ST6GALNAC3: variants seen among roughly 807,000 people sequenced by gnomAD.
ST6GALNAC3 encodes the protein alpha-N-acetylgalactosaminide alpha-2,6-sialyltransferase 3.
In ST6GALNAC3, 25 loss-of-function variants were observed where a neutral mutation model predicts 32.7. The observed-to-expected ratio is 0.76, with a 90% confidence interval of 0.56 to 1.07. ST6GALNAC3 has a LOEUF of 1.07. Among genes scored for constraint, ST6GALNAC3 ranks in the 50% least tolerant of loss-of-function variants. The probability of loss-of-function intolerance (pLI) is 0.00; values close to 1 mark genes in which losing one functional copy is unlikely to be tolerated. For missense variants in ST6GALNAC3, 355 were observed against 382.4 expected (o/e 0.93, Z 0.60); for synonymous variants, 129 against 133.1 (o/e 0.97, Z 0.21).
chr1:76,566,481 T>C (rs995895792), intron 3 of ST6GALNAC3, among the ~76,000 whole-genome samples: 19 of 152,088 alleles, frequency 1.2e-4, no homozygotes, highest in African/African-American at 4.3e-4. Context: ...ACCTCCAGCA[T>C]CTTCACTGTC....
intron 3 of ST6GALNAC3, among the ~76,000 whole-genome samples, chr1:76,426,223 T>C (rs1655373662): frequency 6.6e-6 from 1 of 151,962 alleles, no homozygotes; most frequent in African/African-American, 2.4e-5. Context: ...TTTGCTATTT[T>C]CTGTCTTCCC....
chr1:76,565,906 A>G (rs902970212), intron 3 of ST6GALNAC3, among the ~76,000 whole-genome samples: 1 of 152,234 alleles, frequency 6.6e-6, no homozygotes, highest in Non-Finnish European at 1.5e-5. Context: ...TATCTCTATC[A>G]TAAGATTAGT....
chr1:76,328,362 A>T (rs1332885727), intron 2 of ST6GALNAC3, among the ~76,000 whole-genome samples: 1 of 152,126 alleles, frequency 6.6e-6, no homozygotes, highest in Non-Finnish European at 1.5e-5. Context: ...CGTTAAACTG[A>T]TTATCTCGCT....
intron 1 of ST6GALNAC3, among the ~76,000 whole-genome samples, chr1:76,209,502 A>T (rs889903109): frequency 3.3e-5 from 5 of 152,160 alleles, no homozygotes; most frequent in Non-Finnish European, 1.5e-5. Context: ...TTCCTAATAC[A>T]CACAAAGGTA....
At chr1:76,392,476 A>C (rs1279260214) in intron 2 of ST6GALNAC3, among the ~76,000 whole-genome samples, 3 of 152,240 alleles carry the variant, frequency 2.0e-5, no homozygotes, top group Non-Finnish European at 4.4e-5. Flanking sequence ...TCAGATGAAA[A>C]GTGCTATTTT....
chr1:76,576,894 A>T (rs757335313), intron 3 of ST6GALNAC3: 1 of 1,304,610 alleles, frequency 7.7e-7, no homozygotes, highest in Non-Finnish European at 1.0e-6. Flanking sequence ...ACCACCACAT[A>T]CATGTCCTGC....
intron 3 of ST6GALNAC3, among the ~76,000 whole-genome samples, chr1:76,478,122 C>G (rs1204822860): frequency 6.6e-6 from 1 of 152,148 alleles, no homozygotes; most frequent in African/African-American, 2.4e-5. Context: ...TCCTCCAGGT[C>G]TCATGAACAT....
intron 2 of ST6GALNAC3, among the ~76,000 whole-genome samples, chr1:76,352,720 G>A (rs1015336585): frequency 2.4e-4 from 36 of 151,938 alleles, no homozygotes; most frequent in African/African-American, 7.5e-4. Context: ...CCATGTGGAT[G>A]TATAATAATT....
At chr1:76,524,239 A>G (rs1421389989) in intron 3 of ST6GALNAC3, among the ~76,000 whole-genome samples, 2 of 152,174 alleles carry the variant, frequency 1.3e-5, no homozygotes, top group Non-Finnish European at 1.5e-5. Context: ...TAGTCTTACC[A>G]TGGCTTTTAC....
At chr1:76,320,417 G>A (rs1454395237) in intron 2 of ST6GALNAC3, among the ~76,000 whole-genome samples, 1 of 151,972 alleles carries the variant, frequency 6.6e-6, no homozygotes, top group African/African-American at 2.4e-5. Flanking sequence ...ATCTAGTCTT[G>A]TAGTGCTCTT....
intron 1 of ST6GALNAC3, among the ~76,000 whole-genome samples, chr1:76,110,704 T>A (rs1450030665): frequency 6.6e-6 from 1 of 152,240 alleles, no homozygotes; most frequent in Admixed American, 6.5e-5. Flanking sequence ...ACAACAAGGC[T>A]GCCTCCTCAT....
chr1:76,342,351 C>G (rs1350000037), intron 2 of ST6GALNAC3, among the ~76,000 whole-genome samples: 2 of 152,156 alleles, frequency 1.3e-5, no homozygotes, highest in Admixed American at 6.5e-5. Context: ...TCGTATTTCT[C>G]CACATCCTCT....
chr1:76,325,953 A>T (rs147267311), intron 2 of ST6GALNAC3, among the ~76,000 whole-genome samples: 2 of 151,998 alleles, frequency 1.3e-5, no homozygotes, highest in Non-Finnish European at 2.9e-5. Flanking sequence ...TCACCTCTGT[A>T]TGAATTTCAG....
At chr1:76,560,640 C>A (rs1254882160) in intron 3 of ST6GALNAC3, among the ~76,000 whole-genome samples, 1 of 152,208 alleles carries the variant, frequency 6.6e-6, no homozygotes, top group Non-Finnish European at 1.5e-5. Context: ...GAGATATCAT[C>A]TCACCCCACT....
At chr1:76,278,250 T>C (rs1659290936) in intron 1 of ST6GALNAC3, among the ~76,000 whole-genome samples, 1 of 107,874 alleles carries the variant, frequency 9.3e-6, no homozygotes, top group Non-Finnish European at 1.6e-5. Context: ...AGATGGAGTC[T>C]CGCTCTGTCA....
chr1:76,228,173 C>G (rs1656179598), intron 1 of ST6GALNAC3, among the ~76,000 whole-genome samples: 1 of 152,160 alleles, frequency 6.6e-6, no homozygotes, highest in Admixed American at 6.6e-5. Context: ...GACCATTACA[C>G]AGAAGTTTGC....
At chr1:76,278,041 T>C (rs1659270404) in intron 1 of ST6GALNAC3, among the ~76,000 whole-genome samples, 1 of 152,130 alleles carries the variant, frequency 6.6e-6, no homozygotes, top group African/African-American at 2.4e-5. Context: ...TTTTTAATAT[T>C]TTTATGAAAT....
At chr1:76,208,665 A>G (rs1654969196) in intron 1 of ST6GALNAC3, among the ~76,000 whole-genome samples, 1 of 152,150 alleles carries the variant, frequency 6.6e-6, no homozygotes, top group African/African-American at 2.4e-5. Context: ...GGGTCTGGAA[A>G]GGTGGGGCGA....
chr1:76,434,156 G>A (rs114219882), intron 3 of ST6GALNAC3, among the ~76,000 whole-genome samples: 48 of 152,286 alleles, frequency 3.2e-4, no homozygotes, highest in African/African-American at 1.0e-3. Context: ...TCCAAGTGGT[G>A]TAATCGTAAA....
Sources: gnomAD v4.1 joint callset for allele counts (sites outside exome capture counted in the v4.1 genomes callset) on GRCh38, gnomAD v4.1.1 for gene constraint, MANE v1.5 for transcripts, NCBI Gene and HGNC (gene_info 2026-07-23, HGNC 2026-07-21) for gene names.